The following RANBP2 variants were observed in gnomAD, a reference collection of about 807,000 sequenced individuals.
RANBP2 encodes E3 SUMO-protein ligase RanBP2.
RANBP2 carries 57 observed loss-of-function variants against 303.6 expected under a neutral mutation model. The ratio of observed to expected loss-of-function variants is 0.19; its 90% CI spans 0.15 to 0.23. The LOEUF is 0.23. RANBP2 is among the 10% of genes least tolerant of loss of function. The probability of loss-of-function intolerance (pLI) is 1.00; values close to 1 mark genes in which losing one functional copy is unlikely to be tolerated. For synonymous variants in RANBP2, 1,167 were observed against 1,301.5 expected (o/e 0.90, Z 2.23); for missense variants, 3,138 against 3,780.8 (o/e 0.83, Z 4.46).
chr2:109,125,087 A>G, the RANBP2 span, among the ~76,000 whole-genome samples: 3 of 152,368 alleles, frequency 2.0e-5, no homozygotes, highest in East Asian at 5.8e-4. Context: ...CAGGCTCACC[A>G]GGCAGTCAAG....
chr2:109,078,098 A>ATATATATATATATAGAGCGTG, the RANBP2 span, among the ~76,000 whole-genome samples: 2 of 60,068 alleles, frequency 3.3e-5, no homozygotes, highest in African/African-American at 1.7e-4. Context: ...ATATATATAT[A>ATATATATATATATAGAGCGTG]TATATATATA....
At chr2:109,596,033 ATATT>A in the RANBP2 span, among the ~76,000 whole-genome samples, 4 of 152,122 alleles carry the variant, frequency 2.6e-5, no homozygotes, top group Admixed American at 2.0e-4. Context: ...TTTAAGTTTA[ATATT>A]TATTTTATTT....
the RANBP2 span, among the ~76,000 whole-genome samples, chr2:109,418,860 A>G: frequency 9.2e-5 from 14 of 152,150 alleles, no homozygotes; most frequent in Admixed American, 9.2e-4. Context: ...GCTGCCCTGC[A>G]TGGGCTGGGA....
chr2:108,814,655 A>G, the RANBP2 span, among the ~76,000 whole-genome samples: 1 of 149,980 alleles, frequency 6.7e-6, no homozygotes, highest in East Asian at 1.9e-4. Context: ...TTTATTTTTT[A>G]ATTTATTAAT....
chr2:109,625,649 G>C, the RANBP2 span, among the ~76,000 whole-genome samples: 1 of 152,224 alleles, frequency 6.6e-6, no homozygotes, highest in South Asian at 2.1e-4. Flanking sequence ...CTTGGTGACA[G>C]AGCAAGACTC....
At chr2:109,097,739 GTGTGTGT>G in the RANBP2 span, among the ~76,000 whole-genome samples, 1 of 2,230 alleles carries the variant, frequency 4.5e-4, no homozygotes, top group East Asian at 0.083. Context: ...TGCTTAGGGT[GTGTGTGT>G]GTGTGTGTGT....
At chr2:109,415,468 A>G in the RANBP2 span, among the ~76,000 whole-genome samples, 1 of 152,126 alleles carries the variant, frequency 6.6e-6, no homozygotes, top group African/African-American at 2.4e-5. Flanking sequence ...CACGGGTGCT[A>G]CAGTCGCGGC....
At chr2:109,309,440 C>A in the RANBP2 span, among the ~76,000 whole-genome samples, 2 of 131,144 alleles carry the variant, frequency 1.5e-5, no homozygotes, top group Non-Finnish European at 3.1e-5. Flanking sequence ...GAAACTGCAT[C>A]AACTAACGAG....
chr2:108,864,567 G>A, the RANBP2 span, among the ~76,000 whole-genome samples: 1 of 152,118 alleles, frequency 6.6e-6, no homozygotes, highest in Non-Finnish European at 1.5e-5. Flanking sequence ...GGAGGCCAAG[G>A]CGGGCAGATC....
the RANBP2 span, among the ~76,000 whole-genome samples, chr2:108,864,658 G>A: frequency 6.6e-6 from 1 of 152,126 alleles, no homozygotes; most frequent in Non-Finnish European, 1.5e-5. Context: ...GCCAGGCGTG[G>A]TGGCCCACGC....
the RANBP2 span, chr2:109,615,218 C>G: frequency 6.5e-7 from 1 of 1,546,836 alleles, no homozygotes; most frequent in Non-Finnish European, 8.7e-7. Flanking sequence ...GCGACTCAGA[C>G]AGCGCATCGG....
the RANBP2 span, among the ~76,000 whole-genome samples, chr2:109,259,696 A>C: frequency 6.6e-6 from 1 of 152,232 alleles, no homozygotes; most frequent in Admixed American, 6.5e-5. Flanking sequence ...CCTACGGAAG[A>C]AGAATTTGTT....
the RANBP2 span, among the ~76,000 whole-genome samples, chr2:109,546,767 C>T: frequency 6.6e-6 from 1 of 151,796 alleles, no homozygotes; most frequent in Admixed American, 6.6e-5. Context: ...CTTTCAATGT[C>T]CTGAGATCTA....
chr2:109,539,650 G>C, the RANBP2 span, among the ~76,000 whole-genome samples: 1 of 152,188 alleles, frequency 6.6e-6, no homozygotes, highest in South Asian at 2.1e-4. Context: ...CATCACGCTG[G>C]CCAGGCTGGT....
chr2:109,244,318 C>G, the RANBP2 span, among the ~76,000 whole-genome samples: 5 of 152,138 alleles, frequency 3.3e-5, no homozygotes, highest in African/African-American at 1.2e-4. Context: ...CATTTTGCAT[C>G]TAGGAGCAGG....
At chr2:109,094,728 G>A in the RANBP2 span, among the ~76,000 whole-genome samples, 898 of 152,212 alleles carry the variant, frequency 5.9e-3, 6 homozygotes, top group Middle Eastern at 0.01. Context: ...TATTCAGGAG[G>A]CTGAGGCAGG....
At chr2:109,678,428 C>A in the RANBP2 span, among the ~76,000 whole-genome samples, 1 of 152,222 alleles carries the variant, frequency 6.6e-6, no homozygotes, top group Non-Finnish European at 1.5e-5. Flanking sequence ...GCTCCCCACA[C>A]CCCTCCTGCA....
chr2:108,908,060 G>A, the RANBP2 span: 1 of 1,571,338 alleles, frequency 6.4e-7, no homozygotes, highest in Non-Finnish European at 8.7e-7. Flanking sequence ...GTGCCTGGGG[G>A]GGCTGCAGCC....
At chr2:109,549,483 A>G in the RANBP2 span, among the ~76,000 whole-genome samples, 58 of 152,334 alleles carry the variant, frequency 3.8e-4, no homozygotes, top group Non-Finnish European at 6.0e-4. Flanking sequence ...CTGGCTATCA[A>G]CAACTATTCC....
Sources: allele counts gnomAD v4.1 joint callset (sites outside exome capture counted in the v4.1 genomes callset), GRCh38; gene constraint gnomAD v4.1.1; transcripts MANE v1.5; gene names NCBI Gene and HGNC (gene_info 2026-07-23, HGNC 2026-07-21).